The following NFATC3 variants were observed in gnomAD, a reference collection of about 807,000 sequenced individuals.
NFATC3 encodes the protein nuclear factor of activated T cells 3.
NFATC3 carries 46 observed loss-of-function variants against 98.6 expected under a neutral mutation model. That is an observed-to-expected ratio of 0.47 (90% confidence interval 0.37 to 0.60). NFATC3 has a LOEUF of 0.60. NFATC3 is among the 20% of genes least tolerant of loss of function. The pLI, the probability that NFATC3 is intolerant of heterozygous loss-of-function variation, is 0.00. For synonymous variants in NFATC3, 512 were observed against 472.2 expected (o/e 1.08, Z -1.09); for missense variants, 1,256 against 1,295.5 (o/e 0.97, Z 0.47).
At chr16:68,139,741 A>C (rs911003466) in intron 3 of NFATC3, among the ~76,000 whole-genome samples, 1 of 152,202 alleles carries the variant, frequency 6.6e-6, no homozygotes, top group Non-Finnish European at 1.5e-5. Flanking sequence ...GTGGTCACCA[A>C]ATAATACATT....
At chr16:68,134,023 C>G (rs1190298741) in intron 3 of NFATC3, among the ~76,000 whole-genome samples, 1 of 152,128 alleles carries the variant, frequency 6.6e-6, no homozygotes, top group East Asian at 1.9e-4. Flanking sequence ...TCTTATTCCT[C>G]CACATTGTCA....
At chr16:68,145,179 C>T in intron 3 of NFATC3, among the ~76,000 whole-genome samples, 1 of 149,658 alleles carries the variant, frequency 6.7e-6, no homozygotes, top group East Asian at 2.0e-4. Flanking sequence ...GCAGATTGCA[C>T]ATCACCCAGG....
intron 3 of NFATC3, among the ~76,000 whole-genome samples, chr16:68,129,474 C>T (rs777699243): frequency 6.6e-6 from 1 of 152,060 alleles, no homozygotes; most frequent in Non-Finnish European, 1.5e-5. Context: ...TTTTGATGCT[C>T]CCTTTCAATC....
intron 8 of NFATC3, among the ~76,000 whole-genome samples, chr16:68,185,597 C>CG (rs1329599763): frequency 1.3e-5 from 2 of 151,682 alleles, no homozygotes; most frequent in African/African-American, 4.8e-5. Flanking sequence ...AACCAGGGGC[C>CG]GGGCGCGGTG....
At chr16:68,182,717 A>T (rs1280075526) in intron 7 of NFATC3, among the ~76,000 whole-genome samples, 1 of 151,642 alleles carries the variant, frequency 6.6e-6, no homozygotes, top group Admixed American at 6.6e-5. Flanking sequence ...TAGGGTTTTA[A>T]CATGTTGGCC....
chr16:68,205,135 C>T (rs186183975), intron 9 of NFATC3, among the ~76,000 whole-genome samples: 24 of 152,178 alleles, frequency 1.6e-4, no homozygotes, highest in Admixed American at 1.4e-3. Context: ...TTTAACTTTA[C>T]ATCTACAAGA....
At chr16:68,210,034 G>A (rs1023053149) in intron 9 of NFATC3, among the ~76,000 whole-genome samples, 2 of 151,008 alleles carry the variant, frequency 1.3e-5, no homozygotes, top group Admixed American at 6.6e-5. Context: ...GCAGTGGCTC[G>A]CGCCTGTAAT....
chr16:68,140,210 G>A (rs376700176), intron 3 of NFATC3, among the ~76,000 whole-genome samples: 11 of 152,210 alleles, frequency 7.2e-5, no homozygotes, highest in Middle Eastern at 6.8e-3. Flanking sequence ...ATGGTGGTCC[G>A]GCTGGTCTCG....
intron 9 of NFATC3, among the ~76,000 whole-genome samples, chr16:68,198,077 T>C (rs905532693): frequency 1.5e-4 from 23 of 152,140 alleles, no homozygotes; most frequent in African/African-American, 4.6e-4. Context: ...CCCACCACTT[T>C]GGGAGGCCCA....
At chr16:68,137,665 G>C (rs2151533062) in intron 3 of NFATC3, among the ~76,000 whole-genome samples, 1 of 150,516 alleles carries the variant, frequency 6.6e-6, no homozygotes, top group South Asian at 2.1e-4. Context: ...CCAGGCCGGA[G>C]TGCAGTGGCT....
rs561788103 is a variant in NFATC3 at position 68,191,791 on chromosome 16, A to T, written c.3106+16A>T. On this transcript the variant is annotated intron_variant, in intron 9 of 9. Coordinates refer to ENST00000346183, the MANE Select transcript of NFATC3 (RefSeq NM_173165.3). ...TTAGATGATGGTAAGTTCATCTCTG[A>T]TATGTTCTTGAAGTAGTGAAGATTC... 2 of 1,613,264 alleles carry T rather than the reference A, an allele frequency of 1.2e-6. No individual in the cohort carries two copies. The highest frequency in any genetic ancestry group is 2.2e-5 in the South Asian group (2 of 91,046).
chr16:68,101,136 G>GTTTTC (rs1160764629), intron 1 of NFATC3, among the ~76,000 whole-genome samples: 3 of 151,838 alleles, frequency 2.0e-5, no homozygotes, highest in Admixed American at 6.6e-5. Flanking sequence ...TTTCTCCTCG[G>GTTTTC]TTTTCTTTTC....
chr16:68,179,563 G>C (rs1325328478), intron 6 of NFATC3, among the ~76,000 whole-genome samples: 1 of 152,252 alleles, frequency 6.6e-6, no homozygotes, highest in African/African-American at 2.4e-5. Flanking sequence ...ACCAGATGAA[G>C]AAGTGATGCA....
chr16:68,220,295 G>A (rs976107672), intron 9 of NFATC3, among the ~76,000 whole-genome samples: 1 of 151,802 alleles, frequency 6.6e-6, no homozygotes, highest in African/African-American at 2.4e-5. Context: ...AGGCCGAGGT[G>A]GCCAGATCAT....
intron 8 of NFATC3, among the ~76,000 whole-genome samples, chr16:68,184,435 A>T (rs1288977390): frequency 6.6e-6 from 1 of 152,184 alleles, no homozygotes; most frequent in East Asian, 1.9e-4. Context: ...AAAAAATGGC[A>T]TGAAGTGTCC....
intron 3 of NFATC3, among the ~76,000 whole-genome samples, chr16:68,136,881 A>G (rs939474472): frequency 2.0e-5 from 3 of 152,168 alleles, no homozygotes; most frequent in African/African-American, 7.2e-5. Flanking sequence ...AACAACAACA[A>G]CAAAGATTTA....
rs549727816 is a variant in NFATC3, at chr16:68,153,169, G to A, written c.1402-4700G>A. 2.0e-5 allele frequency among the ~76,000 whole-genome samples: 3 copies of A among 152,102 alleles called. No individual in the cohort carries two copies. The South Asian group carries it at 6.2e-4, about 32-fold the overall frequency. ...CTCAGCACTTTGGGAAGCCAAGGCA[G>A]GTGGATCACCTGAGGCCAGGGCAGG... On this transcript the variant is annotated intron_variant, in intron 3 of 9. Transcript: ENST00000346183.
intron 4 of NFATC3, among the ~76,000 whole-genome samples, chr16:68,161,790 T>A (rs2038904743): frequency 6.6e-6 from 1 of 152,304 alleles, no homozygotes; most frequent in Middle Eastern, 3.4e-3. Flanking sequence ...ATGCCTCATA[T>A]CCTTTCTGAA....
intron 1 of NFATC3, among the ~76,000 whole-genome samples, chr16:68,102,752 A>G (rs930388459): frequency 6.6e-6 from 1 of 152,136 alleles, no homozygotes; most frequent in Admixed American, 6.5e-5. Context: ...CTCTATGTAA[A>G]TTTTTGAGGC....
Sources: allele counts gnomAD v4.1 joint callset (sites outside exome capture counted in the v4.1 genomes callset), GRCh38; gene constraint gnomAD v4.1.1; transcripts MANE v1.5; gene names NCBI Gene and HGNC (gene_info 2026-07-23, HGNC 2026-07-21).